The following ANK1 variants were observed in gnomAD, a reference collection of about 807,000 sequenced individuals.
ANK1 encodes ankyrin 1.
In ANK1, 51 loss-of-function variants were observed where a neutral mutation model predicts 210.4. That is an observed-to-expected ratio of 0.24 (90% CI 0.19 to 0.31). The LOEUF is 0.31. ANK1 is among the 10% of genes least tolerant of loss of function. The pLI is 1.00. For synonymous variants in ANK1, 967 were observed against 1,025.9 expected, an observed-to-expected ratio of 0.94 and a Z score of 1.10; for missense variants, 2,051 against 2,504.4, an observed-to-expected ratio of 0.82 and a Z score of 3.86.
intron 1 of ANK1, among the ~76,000 whole-genome samples, chr8:41,791,674 G>A (rs746619836): frequency 7.9e-5 from 12 of 152,168 alleles, no homozygotes; most frequent in East Asian, 1.9e-4. Flanking sequence ...CTCGTGATCC[G>A]CCCACCTCGG....
At chr8:41,701,450 G>T (rs987608455) in intron 22 of ANK1, 100 bp downstream of exon 22, 7 of 1,067,636 alleles carry the variant, frequency 6.6e-6, no homozygotes, top group Non-Finnish European at 1.0e-5. Flanking sequence ...GCTTGGGCGT[G>T]TTGTAAGGGG....
At chr8:41,752,349 G>A (rs540819822) in intron 2 of ANK1, among the ~76,000 whole-genome samples, 49 of 152,296 alleles carry the variant, frequency 3.2e-4, no homozygotes, top group South Asian at 1.0e-3. Context: ...CCACACAGGC[G>A]AGTGGGAGTA....
At chr8:41,879,352 A>G (rs1817181903) in intron 1 of ANK1, among the ~76,000 whole-genome samples, 1 of 152,200 alleles carries the variant, frequency 6.6e-6, no homozygotes, top group South Asian at 2.1e-4. Flanking sequence ...TTACACCAAT[A>G]TAAGGGATTA....
upstream of ANK1, among the ~76,000 whole-genome samples, chr8:41,801,618 G>A (rs970813041): frequency 6.6e-6 from 1 of 152,120 alleles, no homozygotes; most frequent in Non-Finnish European, 1.5e-5. Flanking sequence ...TTACTAATGA[G>A]GTTGAGCATC....
At chr8:41,775,136 C>T (rs564385444) in intron 1 of ANK1, among the ~76,000 whole-genome samples, 5 of 152,094 alleles carry the variant, frequency 3.3e-5, no homozygotes, top group African/African-American at 1.2e-4. Context: ...CTGAAGGATG[C>T]CCAGGCGTTG....
At chr8:41,880,448 CT>C (rs1817376966) in intron 1 of ANK1, among the ~76,000 whole-genome samples, 1 of 152,182 alleles carries the variant, frequency 6.6e-6, no homozygotes, top group Admixed American at 6.5e-5. Flanking sequence ...TTCTTCTGGA[CT>C]TTAATGCTCA....
intron 9 of ANK1, among the ~76,000 whole-genome samples, chr8:41,721,552 G>C (rs758279330): frequency 4.6e-5 from 7 of 151,370 alleles, no homozygotes; most frequent in Non-Finnish European, 1.0e-4. Context: ...AGCTACTCGG[G>C]AAGCTGAGGC....
intron 1 of ANK1, among the ~76,000 whole-genome samples, chr8:41,796,871 G>C (rs1848833272): frequency 6.6e-6 from 1 of 152,072 alleles, no homozygotes; most frequent in African/African-American, 2.4e-5. Context: ...AAGAAGGCTG[G>C]AGTGGCCTTG....
chr8:41,712,870 G>A (rs991596944), intron 16 of ANK1, among the ~76,000 whole-genome samples: 2 of 152,186 alleles, frequency 1.3e-5, no homozygotes, highest in Non-Finnish European at 2.9e-5. Flanking sequence ...GAGTGAGGAG[G>A]AGGGGAGTCC....
intron 3 of ANK1, among the ~76,000 whole-genome samples, chr8:41,731,276 T>A (rs1381857155): frequency 6.6e-6 from 1 of 152,200 alleles, no homozygotes; most frequent in East Asian, 1.9e-4. Flanking sequence ...TAGCTATATT[T>A]TGCTCCACAA....
intron 3 of ANK1, among the ~76,000 whole-genome samples, chr8:41,728,949 C>T (rs779851433): frequency 3.9e-5 from 6 of 152,204 alleles, no homozygotes; most frequent in African/African-American, 7.2e-5. Context: ...CTCTGAGAGG[C>T]CTGGGAGCGC....
chr8:41,696,279 G>T, intron 26 of ANK1, 84 bp downstream of exon 26: 1 of 1,487,982 alleles, frequency 6.7e-7, no homozygotes. Context: ...ACCCAGTTCT[G>T]TTTCCCCATC....
At chr8:41,702,031 G>A (rs771074956) in intron 21 of ANK1, 21 bp downstream of exon 21, 1 of 1,604,870 alleles carries the variant, frequency 6.2e-7, no homozygotes, top group South Asian at 1.1e-5. Context: ...TGGGGTGGGT[G>A]CGGGGGAGAG....
intron 1 of ANK1, among the ~76,000 whole-genome samples, chr8:41,834,052 T>C (rs1045907167): frequency 6.6e-6 from 1 of 151,440 alleles, no homozygotes; most frequent in Non-Finnish European, 1.5e-5. Context: ...CATCAGAGGG[T>C]GAGAGGGCAC....
chr8:41,728,027 G>A lies in ANK1; in HGVS notation c.229-21C>T, dbSNP rs182088288. 6.0e-4 allele frequency: 970 copies of A among 1,612,054 alleles called. 1 individual carries two copies. The highest frequency in any genetic ancestry group is 6.4e-4 in the Non-Finnish European group (749 of 1,178,916). ...CCCTTCTGAAACACATGGGGGAAGG[G>A]AACAGAGGCGGTTTCCCACTGGGCC... is the stretch of plus-strand genomic sequence containing the variant. On this transcript the variant is annotated intron_variant, in intron 3 of 42. Coordinates refer to ENST00000289734, the MANE Select transcript of ANK1 (RefSeq NM_000037.4).
At chr8:41,816,362 G>A (rs1253956880) in intron 1 of ANK1, among the ~76,000 whole-genome samples, 1 of 152,218 alleles carries the variant, frequency 6.6e-6, no homozygotes, top group East Asian at 1.9e-4. Context: ...AAACATCTAA[G>A]AGATGAAAAT....
chr8:41,789,984 C>T (rs1014316017), intron 1 of ANK1, among the ~76,000 whole-genome samples: 3 of 152,134 alleles, frequency 2.0e-5, no homozygotes, highest in African/African-American at 7.2e-5. Flanking sequence ...AACCTGTCGC[C>T]ACCTGGATGA....
chr8:41,716,570 G>C (rs80209606), intron 13 of ANK1, among the ~76,000 whole-genome samples: 1 of 152,184 alleles, frequency 6.6e-6, no homozygotes, highest in African/African-American at 2.4e-5. Context: ...TCCAACCCCC[G>C]CAAAATGTGT....
At chr8:41,842,716 G>A (rs921864806) in intron 1 of ANK1, among the ~76,000 whole-genome samples, 1 of 152,196 alleles carries the variant, frequency 6.6e-6, no homozygotes, top group Non-Finnish European at 1.5e-5. Context: ...AACAGTTAAG[G>A]CAGCTTTGTT....
Sources: gnomAD v4.1 joint callset for allele counts (sites outside exome capture counted in the v4.1 genomes callset) on GRCh38, gnomAD v4.1.1 for gene constraint, MANE v1.5 for transcripts, NCBI Gene and HGNC (gene_info 2026-07-23, HGNC 2026-07-21) for gene names.